TNIK: variants seen among roughly 807,000 people sequenced by gnomAD.
TNIK encodes TRAF2 and NCK interacting kinase.
Under a neutral mutation model 191.3 loss-of-function variants are expected in TNIK, and 49 were observed. The observed-to-expected ratio is 0.26, with a 90% CI of 0.20 to 0.32. The LOEUF (loss-of-function observed/expected upper bound fraction) is 0.32, where lower values mean the gene tolerates loss of function less well. TNIK is among the 10% of genes least tolerant of loss of function. The probability of loss-of-function intolerance (pLI) is 1.00; values close to 1 mark genes in which losing one functional copy is unlikely to be tolerated. For missense variants in TNIK, 1,155 were observed against 1,702.3 expected, an observed-to-expected ratio of 0.68 and a Z score of 5.66; for synonymous variants, 594 against 600.9, an observed-to-expected ratio of 0.99 and a Z score of 0.17.
chr3:171,085,893 G>A lies in TNIK; in HGVS notation c.2887-664C>T, dbSNP rs180756002. On this transcript the variant is annotated intron_variant, in intron 24 of 32. Coordinates refer to ENST00000436636, the MANE Select transcript of TNIK (RefSeq NM_015028.4). ...ACGTTTGTGAGCAATGTACCTTGAAGGCTTACTTTAAAAAATGAATCTTGG... is the reference window on the plus strand; with the variant it reads ...ACGTTTGTGAGCAATGTACCTTGAAAGCTTACTTTAAAAAATGAATCTTGG... 1.3e-4 allele frequency among the ~76,000 whole-genome samples: 20 copies of A among 152,324 alleles called. No individual in the cohort carries two copies. The East Asian group carries it at 2.5e-3, about 19-fold the overall frequency.
At chr3:171,218,620 T>G (rs1203526609) in intron 3 of TNIK, among the ~76,000 whole-genome samples, 1 of 151,042 alleles carries the variant, frequency 6.6e-6, no homozygotes, top group African/African-American at 2.4e-5. Context: ...TAGCAAGTTC[T>G]CTGTGGCCCT....
intron 2 of TNIK, among the ~76,000 whole-genome samples, chr3:171,279,872 C>G (rs1416191622): frequency 6.6e-6 from 1 of 152,112 alleles, no homozygotes; most frequent in African/African-American, 2.4e-5. Context: ...AACTGGGATT[C>G]AAACACATGT....
chr3:171,395,525 T>C (rs1206259977), intron 1 of TNIK, among the ~76,000 whole-genome samples: 1 of 152,132 alleles, frequency 6.6e-6, no homozygotes, highest in East Asian at 1.9e-4. Context: ...ACACTGGAAA[T>C]GGACACAGGC....
chr3:171,126,319 T>C (rs1156991212), intron 16 of TNIK, among the ~76,000 whole-genome samples, 168 bp from the exon 17 acceptor site: 2 of 152,070 alleles, frequency 1.3e-5, no homozygotes, highest in African/African-American at 4.8e-5. Context: ...CTCTTCAAAA[T>C]TTTCCATTGG....
At chr3:171,434,582 T>C (rs1460273786) in intron 1 of TNIK, among the ~76,000 whole-genome samples, 1 of 152,110 alleles carries the variant, frequency 6.6e-6, no homozygotes, top group Non-Finnish European at 1.5e-5. Flanking sequence ...CTCAGCCTCC[T>C]GAGAAGCTAA....
At chr3:171,153,664 G>C (rs903740554) in intron 12 of TNIK, among the ~76,000 whole-genome samples, 3 of 152,192 alleles carry the variant, frequency 2.0e-5, no homozygotes, top group East Asian at 1.9e-4. Flanking sequence ...ATCTGATTCT[G>C]TTCCCTTAGT....
intron 9 of TNIK, among the ~76,000 whole-genome samples, chr3:171,174,753 T>C (rs1416741538): frequency 6.6e-6 from 1 of 152,226 alleles, no homozygotes; most frequent in African/African-American, 2.4e-5. Flanking sequence ...CAGTATCACC[T>C]GCCATATGTG....
At chr3:171,145,006 A>G (rs1420326829) in intron 12 of TNIK, among the ~76,000 whole-genome samples, 1 of 152,058 alleles carries the variant, frequency 6.6e-6, no homozygotes. Context: ...TCACGCATCC[A>G]CTGATGGACA....
chr3:171,394,301 A>T (rs1719957765), intron 1 of TNIK, among the ~76,000 whole-genome samples: 1 of 152,170 alleles, frequency 6.6e-6, no homozygotes, highest in Admixed American at 6.5e-5. Context: ...TCCTCAATAT[A>T]CCAATTTCTC....
intron 1 of TNIK, among the ~76,000 whole-genome samples, chr3:171,402,501 A>C (rs1721076784): frequency 6.6e-6 from 1 of 152,240 alleles, no homozygotes; most frequent in Non-Finnish European, 1.5e-5. Flanking sequence ...CAGGAACAGT[A>C]CTCACAGTTT....
intron 2 of TNIK, among the ~76,000 whole-genome samples, chr3:171,311,466 T>C (rs1358180957): frequency 6.6e-6 from 1 of 152,136 alleles, no homozygotes; most frequent in Non-Finnish European, 1.5e-5. Flanking sequence ...CCATCACTTG[T>C]AGTACATAGA....
At chr3:171,297,924 T>G (rs1752485851) in intron 2 of TNIK, among the ~76,000 whole-genome samples, 1 of 152,240 alleles carries the variant, frequency 6.6e-6, no homozygotes, top group African/African-American at 2.4e-5. Flanking sequence ...CTTTGACTTA[T>G]GTGGAGAGTA....
chr3:171,414,789 G>A (rs1722847117), intron 1 of TNIK, among the ~76,000 whole-genome samples: 1 of 152,194 alleles, frequency 6.6e-6, no homozygotes, highest in South Asian at 2.1e-4. Context: ...TATCACCTTG[G>A]AGATATAATG....
At chr3:171,242,791 G>A (rs745828248) in intron 2 of TNIK, among the ~76,000 whole-genome samples, 23 of 152,010 alleles carry the variant, frequency 1.5e-4, no homozygotes, top group Admixed American at 2.6e-4. Flanking sequence ...AGCATTCAAC[G>A]GTTCATGGGC....
At chr3:171,242,602 C>T (rs1745121907) in intron 2 of TNIK, among the ~76,000 whole-genome samples, 1 of 151,888 alleles carries the variant, frequency 6.6e-6, no homozygotes, top group South Asian at 2.1e-4. Context: ...GCATGAGGGA[C>T]ATTAAGAAAA....
intron 2 of TNIK, among the ~76,000 whole-genome samples, chr3:171,335,206 T>C (rs1023467868): frequency 6.6e-6 from 1 of 152,204 alleles, no homozygotes; most frequent in African/African-American, 2.4e-5. Flanking sequence ...ACTGTTTGCG[T>C]GCAAGAAAAT....
chr3:171,440,604 G>C (rs186955378), intron 1 of TNIK, among the ~76,000 whole-genome samples: 192 of 152,322 alleles, frequency 1.3e-3, no homozygotes, highest in Middle Eastern at 6.8e-3. Context: ...CTAAGTTAAG[G>C]AGTTTAGCCT....
At chr3:171,347,584 G>T (rs1271362014) in intron 2 of TNIK, among the ~76,000 whole-genome samples, 1 of 152,138 alleles carries the variant, frequency 6.6e-6, no homozygotes, top group African/African-American at 2.4e-5. Context: ...AGAGAGCAAA[G>T]AACCTAAATA....
At chr3:171,194,681 G>T in intron 4 of TNIK, 46 bp from the exon 5 acceptor site, 4 of 1,551,792 alleles carry the variant, frequency 2.6e-6, no homozygotes, top group Non-Finnish European at 3.5e-6. Flanking sequence ...ATGCTTCACT[G>T]CTTCCATTAA....
Sources: gnomAD v4.1 joint callset for allele counts (sites outside exome capture counted in the v4.1 genomes callset) on GRCh38, gnomAD v4.1.1 for gene constraint, MANE v1.5 for transcripts, NCBI Gene and HGNC (gene_info 2026-07-23, HGNC 2026-07-21) for gene names.